The following TANGO6 variants were observed in gnomAD, a reference collection of about 807,000 sequenced individuals.
The protein encoded by TANGO6 is transport and golgi organization 6 homolog.
TANGO6 carries 90 observed loss-of-function variants against 114.2 expected under a neutral mutation model. The ratio of observed to expected loss-of-function variants is 0.79; its 90% CI spans 0.66 to 0.94. The LOEUF (loss-of-function observed/expected upper bound fraction) is 0.94. Among genes scored for constraint, TANGO6 ranks in the 40% least tolerant of loss-of-function variants. TANGO6 has a pLI of 0.00. For missense variants in TANGO6, 1,274 were observed against 1,315.3 expected (o/e 0.97, Z 0.49); for synonymous variants, 477 against 509.8 (o/e 0.94, Z 0.87).
chr16:68,968,540 A>G (rs1963668369), intron 14 of TANGO6, among the ~76,000 whole-genome samples: 1 of 149,598 alleles, frequency 6.7e-6, no homozygotes, highest in Non-Finnish European at 1.5e-5. Flanking sequence ...AATTTTTTGT[A>G]TTTAGTAGAG....
At chr16:68,992,768 G>T (rs1226110417) in intron 15 of TANGO6, among the ~76,000 whole-genome samples, 1 of 152,058 alleles carries the variant, frequency 6.6e-6, no homozygotes, top group Admixed American at 6.6e-5. Flanking sequence ...TGTATTCTAT[G>T]TTAAAAAAGC....
chr16:68,972,244 G>A (rs1233345729), intron 14 of TANGO6, among the ~76,000 whole-genome samples: 2 of 152,148 alleles, frequency 1.3e-5, no homozygotes, highest in Middle Eastern at 6.8e-3. Context: ...AAAGATGGGG[G>A]TGGGGAGGGC....
chr16:69,021,588 G>C (rs1019939600), intron 15 of TANGO6, among the ~76,000 whole-genome samples: 4 of 152,078 alleles, frequency 2.6e-5, no homozygotes, highest in African/African-American at 9.7e-5. Context: ...CAAGCATCTG[G>C]AACAATGCTT....
chr16:68,884,864 G>A (rs1962518270), intron 7 of TANGO6, among the ~76,000 whole-genome samples: 1 of 152,182 alleles, frequency 6.6e-6, no homozygotes, highest in Non-Finnish European at 1.5e-5. Context: ...ACAGTTTGGC[G>A]AATTTAAAGC....
rs571420734 is a variant in TANGO6, at chr16:69,075,860, G to A, written c.3109-7625G>A. On this transcript the variant is annotated intron_variant, in intron 17 of 17. Coordinates refer to ENST00000261778, the MANE Select transcript of TANGO6 (RefSeq NM_024562.2). ...CAGCTCACTGCAACCTCTGCCTCCC[G>A]GGTTCAAGCGATTCCCGTTTCAGCC... 6.1e-5 allele frequency among the ~76,000 whole-genome samples: 9 copies of A among 147,166 alleles called. 1 individual carries two copies. The South Asian group carries it at 1.3e-3, about 21-fold the overall frequency.
At chr16:68,931,463 C>T (rs1963238532) in intron 14 of TANGO6, among the ~76,000 whole-genome samples, 1 of 152,152 alleles carries the variant, frequency 6.6e-6, no homozygotes, top group South Asian at 2.1e-4. Flanking sequence ...ATGTTCACAG[C>T]AGTATTATTC....
intron 1 of TANGO6, among the ~76,000 whole-genome samples, chr16:68,855,009 C>CT (rs111359815): frequency 2.7e-4 from 39 of 145,032 alleles, no homozygotes; most frequent in Admixed American, 2.7e-4. Flanking sequence ...CATCTTTTTT[C>CT]TTTTTTTTTT....
chr16:68,973,084 C>T (rs1352926927), intron 14 of TANGO6: 1 of 455,486 alleles, frequency 2.2e-6, no homozygotes, highest in Non-Finnish European at 4.4e-6. Flanking sequence ...TGGGCAGAAG[C>T]ATGAAGGGGC....
At chr16:68,872,587 C>T (rs1962290435) in intron 4 of TANGO6, among the ~76,000 whole-genome samples, 1 of 151,770 alleles carries the variant, frequency 6.6e-6, no homozygotes, top group African/African-American at 2.4e-5. Context: ...CAGACATGAG[C>T]CACCGCCCAC....
At chr16:68,874,720 G>T (rs1962329004) in intron 4 of TANGO6, among the ~76,000 whole-genome samples, 1 of 152,146 alleles carries the variant, frequency 6.6e-6, no homozygotes. Context: ...GGCTGAGGCG[G>T]GCAGATCACC....
At chr16:68,959,089 G>A (rs1963563795) in intron 14 of TANGO6, among the ~76,000 whole-genome samples, 1 of 152,194 alleles carries the variant, frequency 6.6e-6, no homozygotes, top group South Asian at 2.1e-4. Flanking sequence ...GTGTTTATGT[G>A]TGTATTTTCA....
rs754689921 is a variant in TANGO6 at position 69,058,909 on chromosome 16, CT to C, written c.3108+18503del. Among the ~76,000 whole-genome samples, 459 of 136,480 alleles carry C rather than the reference CT, an allele frequency of 3.4e-3. 1 individual carries two copies. Among genetic ancestry groups the C allele is most frequent in the African/African-American group, 6.1e-3 (228 of 37,268 alleles). The allele number at this position is 136,480 out of a possible 152,430, so 89.5% of individuals were successfully genotyped here. A position where few individuals can be genotyped will look rare whatever the true frequency, so the allele number is the denominator to read the frequency against. Reference sequence around the variant, plus strand: ...TCTTTAACCACTGGACTTTTCTACTCTTTTTTTTTTTTTTTGAGACATAGTT... The same window carrying C: ...TCTTTAACCACTGGACTTTTCTACTCTTTTTTTTTTTTTTGAGACATAGTT... On this transcript the variant is annotated intron_variant, in intron 17 of 17. Transcript: ENST00000261778.
intron 10 of TANGO6, 150 bp from the exon 11 acceptor site, chr16:68,909,061 C>T (rs1298038139): frequency 1.7e-6 from 1 of 594,302 alleles, no homozygotes; most frequent in Non-Finnish European, 2.5e-6. Flanking sequence ...TTTAGCTTGT[C>T]TCCAAGTTTT....
chr16:68,969,531 C>T (rs1306264301), intron 14 of TANGO6, among the ~76,000 whole-genome samples: 1 of 152,010 alleles, frequency 6.6e-6, no homozygotes, highest in African/African-American at 2.4e-5. Flanking sequence ...ATTTGGCAGC[C>T]GTCTGTGGAA....
chr16:68,846,574 C>G (rs999856319), intron 1 of TANGO6: 1 of 244,212 alleles, frequency 4.1e-6, no homozygotes, highest in Non-Finnish European at 8.2e-6. Context: ...CGGCTCACTG[C>G]AACCTCCGCC....
intron 14 of TANGO6, among the ~76,000 whole-genome samples, chr16:68,953,346 G>C (rs1327357332): frequency 6.6e-6 from 1 of 152,078 alleles, no homozygotes; most frequent in Non-Finnish European, 1.5e-5. Context: ...GCCTCCCAAA[G>C]TGCTGGGATT....
intron 15 of TANGO6, among the ~76,000 whole-genome samples, chr16:68,993,516 A>G (rs569807330): frequency 1.3e-5 from 2 of 152,316 alleles, no homozygotes; most frequent in South Asian, 4.1e-4. Context: ...TCCTTGTAGG[A>G]AGACAATGTT....
chr16:69,032,920 T>TCATG (rs1260039999), intron 16 of TANGO6, among the ~76,000 whole-genome samples: 3 of 147,126 alleles, frequency 2.0e-5, no homozygotes, highest in African/African-American at 7.6e-5. Context: ...GCGTGGTGGC[T>TCATG]CATGCCTGTA....
At chr16:68,874,491 T>TCTA (rs1962326113) in intron 4 of TANGO6, among the ~76,000 whole-genome samples, 1 of 152,222 alleles carries the variant, frequency 6.6e-6, no homozygotes, top group African/African-American at 2.4e-5. Context: ...TCCCTGTCAC[T>TCTA]CTACGGCTGT....
Sources: gnomAD v4.1 joint callset for allele counts (sites outside exome capture counted in the v4.1 genomes callset) on GRCh38, gnomAD v4.1.1 for gene constraint, MANE v1.5 for transcripts, NCBI Gene and HGNC (gene_info 2026-07-23, HGNC 2026-07-21) for gene names.